Variants in DNAH11 observed in about 807,000 individuals in gnomAD.
DNAH11 encodes axonemal beta dynein heavy chain 11.
DNAH11 carries 442 observed loss-of-function variants against 526.0 expected under a neutral mutation model. The observed-to-expected ratio is 0.84, with a 90% CI of 0.78 to 0.91. The LOEUF is 0.91. Among genes scored for constraint, DNAH11 ranks in the 40% least tolerant of loss-of-function variants. The pLI is 0.00. For missense variants in DNAH11, 6,989 were observed against 5,448.7 expected, an observed-to-expected ratio of 1.28 and a Z score of -8.90; for synonymous variants, 2,461 against 1,935.9, an observed-to-expected ratio of 1.27 and a Z score of -7.12.
chr7:21,635,511 C>A (rs2128459281), intron 25 of DNAH11, among the ~76,000 whole-genome samples: 1 of 152,154 alleles, frequency 6.6e-6, no homozygotes, highest in Middle Eastern at 3.4e-3. Context: ...GACTAATAGG[C>A]AGGGATGAGG....
chr7:21,891,733 A>T (rs901205698), intron 76 of DNAH11, among the ~76,000 whole-genome samples: 1 of 152,148 alleles, frequency 6.6e-6, no homozygotes, highest in Admixed American at 6.6e-5. Context: ...GTAACTGTGT[A>T]TTGAGCTCTC....
chr7:21,557,197 C>A (rs1248923686), intron 2 of DNAH11, among the ~76,000 whole-genome samples: 1 of 152,180 alleles, frequency 6.6e-6, no homozygotes, highest in African/African-American at 2.4e-5. Context: ...CCAAGTATTG[C>A]CATTTCTCTC....
At chr7:21,889,578 AT>A (rs1277400446) in intron 76 of DNAH11, among the ~76,000 whole-genome samples, 2 of 152,066 alleles carry the variant, frequency 1.3e-5, no homozygotes, top group Non-Finnish European at 2.9e-5. Context: ...ACATTTTTTT[AT>A]TTTAGCCATT....
At chr7:21,586,977 T>C (rs1273518730) in intron 9 of DNAH11, among the ~76,000 whole-genome samples, 5 of 152,174 alleles carry the variant, frequency 3.3e-5, no homozygotes, top group African/African-American at 1.2e-4. Flanking sequence ...GGAAAATCAT[T>C]CCCTCCTTGT....
chr7:21,640,102 C>T (rs1419998962), intron 28 of DNAH11, among the ~76,000 whole-genome samples: 1 of 152,112 alleles, frequency 6.6e-6, no homozygotes, highest in Non-Finnish European at 1.5e-5. Flanking sequence ...AATTGTTGGA[C>T]AATTTGGGCA....
intron 62 of DNAH11, 133 bp from the exon 63 acceptor site, chr7:21,807,750 A>AC: frequency 1.4e-6 from 1 of 723,510 alleles, no homozygotes; most frequent in Non-Finnish European, 2.1e-6. Flanking sequence ...AGTCACACCA[A>AC]CCCGTTACAC....
chr7:21,871,466 T>C (rs796618541), intron 73 of DNAH11, among the ~76,000 whole-genome samples: 2 of 152,348 alleles, frequency 1.3e-5, no homozygotes, highest in African/African-American at 4.8e-5. Context: ...GAGGTTTTTC[T>C]GTCCCCTTCA....
intron 66 of DNAH11, among the ~76,000 whole-genome samples, chr7:21,845,123 G>T (rs1040959358): frequency 6.6e-6 from 1 of 152,014 alleles, no homozygotes; most frequent in African/African-American, 2.4e-5. Context: ...CTGAATGTCA[G>T]ACTCTTATTG....
At chr7:21,865,121 A>G (rs2128033102) in intron 70 of DNAH11, among the ~76,000 whole-genome samples, 1 of 151,022 alleles carries the variant, frequency 6.6e-6, no homozygotes, top group South Asian at 2.2e-4. Context: ...GAAATAAGTG[A>G]CAGTTGCCTT....
At chr7:21,544,959 T>A (rs1439937591) in intron 1 of DNAH11, 47 bp from the exon 2 acceptor site, 17 of 1,483,544 alleles carry the variant, frequency 1.1e-5, no homozygotes, top group Non-Finnish European at 1.4e-5. Flanking sequence ...AAATCCTGCT[T>A]GTTAACAAGA....
At chr7:21,564,143 AAAAC>A (rs763020394) in intron 5 of DNAH11, 39 bp from the exon 6 acceptor site, 195 of 1,463,050 alleles carry the variant, frequency 1.3e-4, no homozygotes, top group Admixed American at 3.0e-4. Context: ...AAAAAAAAAA[AAAAC>A]AAACCAGAAT....
intron 66 of DNAH11, among the ~76,000 whole-genome samples, chr7:21,845,237 G>C (rs1782374937): frequency 6.6e-6 from 1 of 152,020 alleles, no homozygotes; most frequent in South Asian, 2.1e-4. Context: ...GTAATGTTCA[G>C]TTTATCTATT....
chr7:21,728,402 CA>C (rs1371188221), intron 45 of DNAH11, among the ~76,000 whole-genome samples: 4 of 151,574 alleles, frequency 2.6e-5, no homozygotes, highest in South Asian at 2.1e-4. Context: ...GGACTACAGG[CA>C]ACCCACCACC....
Position 21,613,451 on chromosome 7 carries a change from T to C in DNAH11, c.3853-1663T>C, listed in dbSNP as rs904287521. ...CATATATCCTTTTATGTGTATAAAA[T>C]GTTTCATAATAAAACATTTTAAAAC... On this transcript the variant is annotated intron_variant, in intron 20 of 81. Coordinates refer to ENST00000409508, the MANE Select transcript of DNAH11 (RefSeq NM_001277115.2). Among the ~76,000 whole-genome samples, 21 of 152,216 alleles carry C rather than the reference T, an allele frequency of 1.4e-4. 1 individual carries two copies. The highest frequency in any genetic ancestry group is 1.3e-3 in the Admixed American group (20 of 15,278).
intron 30 of DNAH11, among the ~76,000 whole-genome samples, chr7:21,667,539 C>G (rs1462622060): frequency 6.6e-6 from 1 of 152,018 alleles, no homozygotes; most frequent in Non-Finnish European, 1.5e-5. Context: ...AGAAGCAGAA[C>G]AAATCCTGAA....
chr7:21,854,197 A>G lies in DNAH11; in HGVS notation c.11062-118A>G, dbSNP rs563271998. 2.6e-4 allele frequency: 261 copies of G among 1,002,408 alleles called. No individual in the cohort carries two copies. The African/African-American group carries it at 4.0e-3, about 15-fold the overall frequency. The allele number at this position is 1,002,408 out of a possible 1,614,324, so 62.1% of individuals were successfully genotyped here. A position where few individuals can be genotyped will look rare whatever the true frequency, so the allele number is the denominator to read the frequency against. On this transcript the variant is annotated intron_variant, in intron 67 of 81. Coordinates refer to ENST00000409508, the MANE Select transcript of DNAH11 (RefSeq NM_001277115.2). ...AAGCTCGAGCACATGGATGCCATGC[A>G]TGTTATCTATTTTAATACTCATAAT...
At chr7:21,700,976 G>A (rs532595111) in intron 36 of DNAH11, among the ~76,000 whole-genome samples, 3 of 152,264 alleles carry the variant, frequency 2.0e-5, no homozygotes, top group African/African-American at 7.2e-5. Flanking sequence ...AGGGCTAGGG[G>A]AGGGATAGCA....
At position 21,899,883 on chromosome 7, in the gene DNAH11, C is replaced by T. The variant is rs1306989860; in HGVS notation, c.13163-97C>T. 9.6e-6 allele frequency: 14 copies of T among 1,457,578 alleles called. No individual in the cohort carries two copies. The East Asian group carries it at 2.6e-4, about 28-fold the overall frequency. 90.3% of individuals were successfully genotyped at this position (1,457,578 alleles called of 1,614,324 possible). A position where few individuals can be genotyped will look rare whatever the true frequency, so the allele number is the denominator to read the frequency against. ...TGCCAATGCCCAAGAACCTAAAACA[C>T]CCTATGGGACTAAAGGATGCCTCAA... is the stretch of plus-strand genomic sequence containing the variant. On this transcript the variant is annotated intron_variant, in intron 80 of 81. Transcript: ENST00000409508.
At chr7:21,891,968 C>G (rs12700323) in intron 76 of DNAH11, among the ~76,000 whole-genome samples, 31,742 of 151,654 alleles carry the variant, frequency 0.21, 3,810 homozygotes, top group Non-Finnish European at 0.27. Flanking sequence ...AGTATGGTGC[C>G]CTGGGGAAGT....
Sources: allele counts gnomAD v4.1 joint callset (sites outside exome capture counted in the v4.1 genomes callset), GRCh38; gene constraint gnomAD v4.1.1; transcripts MANE v1.5; gene names NCBI Gene and HGNC (gene_info 2026-07-23, HGNC 2026-07-21).